The following LRCH2 variants were observed in gnomAD, a reference collection of about 807,000 sequenced individuals.
LRCH2 encodes the protein leucine rich repeats and calponin homology domain containing 2.
LRCH2 carries 38 observed loss-of-function variants against 68.9 expected under a neutral mutation model. That is an observed-to-expected ratio of 0.55 (90% CI 0.43 to 0.72). LRCH2 has a LOEUF of 0.72. Ranked by LOEUF, LRCH2 falls within the 30% of genes least tolerant of loss-of-function variation. The probability of loss-of-function intolerance (pLI) is 0.00; values close to 1 mark genes in which losing one functional copy is unlikely to be tolerated. For synonymous variants in LRCH2, 191 were observed against 208.1 expected (o/e 0.92, Z 0.71); for missense variants, 528 against 572.9 (o/e 0.92, Z 0.80).
chrX:115,172,190 G>A (rs1569514546), intron 5 of LRCH2, among the ~76,000 whole-genome samples: 1 of 111,004 alleles, frequency 9.0e-6, no homozygotes, highest in Non-Finnish European at 1.9e-5. Flanking sequence ...CAGCCTCCCC[G>A]CTTCCTATCA....
At chrX:115,217,563 C>G (rs186853113) in intron 1 of LRCH2, among the ~76,000 whole-genome samples, 1 of 111,740 alleles carries the variant, frequency 8.9e-6, no homozygotes, top group Non-Finnish European at 1.9e-5. Context: ...TGAACTCATC[C>G]TTTTTTATGG....
chrX:115,121,959 A>G (rs1488326609), intron 20 of LRCH2, among the ~76,000 whole-genome samples: 11 of 111,655 alleles, frequency 9.9e-5, no homozygotes, highest in African/African-American at 3.3e-4. Context: ...TTGTGATTAT[A>G]TATCTTCCTT....
intron 1 of LRCH2, chrX:115,191,690 C>T (rs1556559876): frequency 1.7e-6 from 2 of 1,163,865 alleles, no homozygotes; most frequent in Non-Finnish European, 1.1e-6. Flanking sequence ...TCACTCGATG[C>T]CAACAGCAGT....
At chrX:115,172,495 TCA>T (rs782446559) in intron 5 of LRCH2, among the ~76,000 whole-genome samples, 2 of 112,135 alleles carry the variant, frequency 1.8e-5, no homozygotes, top group Non-Finnish European at 3.8e-5. Context: ...TATAACTATG[TCA>T]CAGTTTTTCA....
Position 115,203,574 on chromosome X carries a change from C to A in LRCH2, c.350-15204G>T, listed in dbSNP as rs935048305. Among the ~76,000 whole-genome samples, 3 of 112,469 alleles carry A rather than the reference C, an allele frequency of 2.7e-5. No individual in the cohort carries two copies. In the East Asian group the frequency reaches 8.4e-4, roughly 32 times the overall value. On this transcript the variant is annotated intron_variant, in intron 1 of 20. Coordinates refer to ENST00000317135, the MANE Select transcript of LRCH2 (RefSeq NM_020871.4). ...CAGGCATTGTGTAAATACACACGTT[C>A]CAAATGGGGGAAATTGGCCAAAATC...
chrX:115,215,394 A>G (rs2073034343), intron 1 of LRCH2, among the ~76,000 whole-genome samples: 1 of 111,374 alleles, frequency 9.0e-6, no homozygotes. Flanking sequence ...ATCAACGACC[A>G]AGACGCATAT....
At chrX:115,169,892 T>C in intron 6 of LRCH2, among the ~76,000 whole-genome samples, 1 of 110,989 alleles carries the variant, frequency 9.0e-6, no homozygotes, top group African/African-American at 3.3e-5. Flanking sequence ...TCATCTTTGA[T>C]CCAGACATAA....
intron 1 of LRCH2, among the ~76,000 whole-genome samples, chrX:115,200,711 T>C (rs1249353018): frequency 9.1e-6 from 1 of 110,055 alleles, no homozygotes; most frequent in Non-Finnish European, 1.9e-5. Flanking sequence ...CACAGCCAAA[T>C]TCTATCAAAT....
intron 1 of LRCH2, among the ~76,000 whole-genome samples, chrX:115,194,289 ATAGAAT>A (rs1478946677): frequency 8.9e-6 from 1 of 111,920 alleles, no homozygotes; most frequent in Non-Finnish European, 1.9e-5. Flanking sequence ...TAAAAAAACA[ATAGAAT>A]TACTAGAAAC....
Position 115,113,209 on chromosome X carries a change from T to C in LRCH2, c.*7A>G, listed in dbSNP as rs199995730. 1.7e-6 allele frequency: 2 copies of C among 1,173,315 alleles called. No individual in the cohort carries two copies. Among genetic ancestry groups the C allele is most frequent in the Non-Finnish European group, 2.3e-6 (2 of 875,935 alleles). ...AAACTATACACTTAGAATTTTAAAA[T>C]GTTATATTAAGCCACAGAAAGCTGA... On this transcript the variant is annotated 3_prime_UTR_variant, in exon 21 of 21. Coordinates refer to ENST00000317135, the MANE Select transcript of LRCH2 (RefSeq NM_020871.4).
chrX:115,197,847 T>TCTCTCTCTCTCTCACACA (rs782358260), intron 1 of LRCH2, among the ~76,000 whole-genome samples: 454 of 20,559 alleles, frequency 0.022, 23 homozygotes, highest in Middle Eastern at 0.069. Flanking sequence ...TCTCTCTCTC[T>TCTCTCTCTCTCTCACACA]CACACACACA....
At chrX:115,190,033 C>G (rs374672415) in intron 1 of LRCH2, 3 of 1,157,195 alleles carry the variant, frequency 2.6e-6, no homozygotes, top group Non-Finnish European at 2.3e-6. Context: ...GCAGCCACGG[C>G]GCTGGGCCGG....
At chrX:115,141,225 C>CAA (rs1157147536) in intron 14 of LRCH2, among the ~76,000 whole-genome samples, 3 of 86,385 alleles carry the variant, frequency 3.5e-5, no homozygotes, top group Non-Finnish European at 7.0e-5. Flanking sequence ...GACTCTGTCT[C>CAA]AAAAAAAAAA....
chrX:115,135,249 G>A (rs782728673), intron 14 of LRCH2, among the ~76,000 whole-genome samples: 29 of 105,276 alleles, frequency 2.8e-4, no homozygotes, highest in Non-Finnish European at 4.8e-4. Flanking sequence ...AGCCACCCCC[G>A]ACCAAGTAGA....
intron 5 of LRCH2, 59 bp downstream of exon 5, chrX:115,179,368 A>G (rs973284987): frequency 3.2e-6 from 3 of 949,956 alleles, no homozygotes; most frequent in Middle Eastern, 4.3e-4. Context: ...TACCAGTCAT[A>G]AACAGATAAA....
At chrX:115,128,667 C>T (rs1603025545) in intron 15 of LRCH2, among the ~76,000 whole-genome samples, 2 of 111,958 alleles carry the variant, frequency 1.8e-5, no homozygotes, top group East Asian at 5.6e-4. Flanking sequence ...TAGCCATAGG[C>T]AAATGAGTAT....
chrX:115,148,060 A>ACTCTGT (rs2049595461), intron 14 of LRCH2, among the ~76,000 whole-genome samples: 2 of 98,140 alleles, frequency 2.0e-5, no homozygotes, highest in Admixed American at 2.1e-4. Flanking sequence ...ATAGAGAGAG[A>ACTCTGT]CTCTGTCTCT....
In LRCH2 at chrX:115,192,266, G is replaced by A. The variant is rs868941610; in HGVS notation, c.350-3896C>T. ...AACAACAGTCATGGCCGGAGCCACC[G>A]CTACGGAGGAGGAGGCCGCTACGAG... On this transcript the variant is annotated intron_variant, in intron 1 of 20. Coordinates refer to ENST00000317135, the MANE Select transcript of LRCH2 (RefSeq NM_020871.4). 1.8e-5 allele frequency: 21 copies of A among 1,162,055 alleles called. No homozygotes were observed. The East Asian group carries it at 4.6e-4, about 25-fold the overall frequency.
chrX:115,183,507 C>A (rs1438103954), intron 3 of LRCH2, among the ~76,000 whole-genome samples: 1 of 110,705 alleles, frequency 9.0e-6, no homozygotes, highest in Admixed American at 9.7e-5. Flanking sequence ...CCAGCCTGGG[C>A]AACACAGTGA....
Sources: gnomAD v4.1 joint callset for allele counts (sites outside exome capture counted in the v4.1 genomes callset) on GRCh38, gnomAD v4.1.1 for gene constraint, MANE v1.5 for transcripts, NCBI Gene and HGNC (gene_info 2026-07-23, HGNC 2026-07-21) for gene names.